The following SPAG16 variants were observed in gnomAD, a reference collection of about 807,000 sequenced individuals.
The protein encoded by SPAG16 is sperm-associated antigen 16 protein.
SPAG16 carries 86 observed loss-of-function variants against 80.4 expected under a neutral mutation model. That is an observed-to-expected ratio of 1.07 (90% confidence interval 0.90 to 1.28). The LOEUF (loss-of-function observed/expected upper bound fraction) is 1.28, where lower values mean the gene tolerates loss of function less well. Ranked by LOEUF, SPAG16 falls within the 50% of genes most tolerant of loss-of-function variation. SPAG16 has a pLI of 0.00. For missense variants in SPAG16, 870 were observed against 765.3 expected, an observed-to-expected ratio of 1.14 and a Z score of -1.61; for synonymous variants, 294 against 265.9, an observed-to-expected ratio of 1.11 and a Z score of -1.03.
chr2:214,037,143 A>G (rs1402786395), intron 13 of SPAG16, among the ~76,000 whole-genome samples: 1 of 151,816 alleles, frequency 6.6e-6, no homozygotes, highest in Non-Finnish European at 1.5e-5. Flanking sequence ...GTTTGAGGTT[A>G]TAGGGTTTCC....
At chr2:213,348,611 G>A (rs2065139868) in intron 6 of SPAG16, among the ~76,000 whole-genome samples, 1 of 152,076 alleles carries the variant, frequency 6.6e-6, no homozygotes, top group African/African-American at 2.4e-5. Flanking sequence ...TGTCTGTAAA[G>A]GATTTTATTT....
chr2:213,619,945 A>G (rs1408085668), intron 10 of SPAG16, among the ~76,000 whole-genome samples: 2 of 152,206 alleles, frequency 1.3e-5, no homozygotes, highest in Non-Finnish European at 2.9e-5. Context: ...GATAAATAAA[A>G]TGTGGTACAT....
intron 10 of SPAG16, among the ~76,000 whole-genome samples, chr2:213,701,009 A>C (rs1049175836): frequency 6.6e-6 from 1 of 152,150 alleles, no homozygotes; most frequent in Non-Finnish European, 1.5e-5. Context: ...TGGGAGGCTG[A>C]GGCAGGCGGA....
At chr2:213,714,232 G>T (rs1432135111) in intron 10 of SPAG16, among the ~76,000 whole-genome samples, 3 of 152,170 alleles carry the variant, frequency 2.0e-5, no homozygotes, top group Non-Finnish European at 4.4e-5. Flanking sequence ...TGTGTCTCAG[G>T]ATGTGCAGTG....
At position 213,690,894 on chromosome 2, in the gene SPAG16, T is replaced by C. The variant is rs552560665; in HGVS notation, c.1071-171591T>C. Among the ~76,000 whole-genome samples the C allele has an allele frequency of 1.4e-4, 22 of 152,242 alleles. 1 individual carries two copies. The South Asian group carries it at 3.7e-3, about 26-fold the overall frequency. On this transcript the variant is annotated intron_variant, in intron 10 of 15. Transcript: ENST00000331683. The stretch of plus-strand genomic sequence containing the variant: ...CTTCCCTGATATTGAGGCATTCAGA[T>C]TTAAACTGAGCTATGCTACTGGCTT...
intron 10 of SPAG16, among the ~76,000 whole-genome samples, chr2:213,841,012 T>C (rs1188032182): frequency 6.6e-6 from 1 of 152,234 alleles, no homozygotes; most frequent in Admixed American, 6.5e-5. Flanking sequence ...ATAGACTTCA[T>C]GGCTCTGGAG....
At chr2:214,057,419 T>C (rs899137357) in intron 13 of SPAG16, among the ~76,000 whole-genome samples, 1 of 151,866 alleles carries the variant, frequency 6.6e-6, no homozygotes, top group Non-Finnish European at 1.5e-5. Context: ...ATTATTAATC[T>C]TTTTTTTGGA....
intron 15 of SPAG16, among the ~76,000 whole-genome samples, chr2:214,306,148 G>T (rs566972707): frequency 2.2e-4 from 34 of 152,196 alleles, no homozygotes; most frequent in African/African-American, 7.7e-4. Flanking sequence ...ATTGTGAATG[G>T]GAGTTTGTTC....
At chr2:213,840,806 G>A (rs1209470732) in intron 10 of SPAG16, among the ~76,000 whole-genome samples, 2 of 152,156 alleles carry the variant, frequency 1.3e-5, no homozygotes, top group Non-Finnish European at 2.9e-5. Flanking sequence ...GCAGAACAAG[G>A]AAGTGGAAAA....
chr2:213,812,676 C>A (rs911723442), intron 10 of SPAG16, among the ~76,000 whole-genome samples: 2 of 151,960 alleles, frequency 1.3e-5, no homozygotes, highest in Admixed American at 6.6e-5. Flanking sequence ...ATTTGGTATC[C>A]AAATAATTTT....
intron 10 of SPAG16, among the ~76,000 whole-genome samples, chr2:213,506,614 T>C (rs1276472269): frequency 6.6e-6 from 1 of 152,202 alleles, no homozygotes; most frequent in Non-Finnish European, 1.5e-5. Flanking sequence ...TATTAAATGA[T>C]TTCCTGACGG....
chr2:213,455,442 A>G (rs561011143), intron 9 of SPAG16, among the ~76,000 whole-genome samples: 10 of 152,318 alleles, frequency 6.6e-5, no homozygotes, highest in African/African-American at 2.2e-4. Context: ...CAAGCCAGGC[A>G]TGGACACCCG....
chr2:213,612,813 A>G (rs2061479912), intron 10 of SPAG16, among the ~76,000 whole-genome samples: 1 of 152,032 alleles, frequency 6.6e-6, no homozygotes, highest in African/African-American at 2.4e-5. Context: ...CCTCCCGAGT[A>G]GCTGGGATTA....
chr2:213,576,857 G>A (rs2060145130), intron 10 of SPAG16, among the ~76,000 whole-genome samples: 2 of 152,110 alleles, frequency 1.3e-5, no homozygotes, highest in Non-Finnish European at 2.9e-5. Context: ...GAGGGTGGGA[G>A]GAAGGAGAGG....
chr2:214,305,281 C>T (rs555838171), intron 15 of SPAG16, among the ~76,000 whole-genome samples: 3 of 152,072 alleles, frequency 2.0e-5, no homozygotes, highest in Non-Finnish European at 4.4e-5. Flanking sequence ...AGACCTTTGT[C>T]AGATGCAGTT....
chr2:214,160,973 A>C (rs1202389997), intron 15 of SPAG16, among the ~76,000 whole-genome samples: 2 of 152,090 alleles, frequency 1.3e-5, no homozygotes, highest in Non-Finnish European at 2.9e-5. Context: ...TTCATCTAGA[A>C]TGTCTTTTAT....
At chr2:214,260,231 G>C (rs1185004087) in intron 15 of SPAG16, among the ~76,000 whole-genome samples, 1 of 152,038 alleles carries the variant, frequency 6.6e-6, no homozygotes, top group Admixed American at 6.5e-5. Context: ...ATACACAGGA[G>C]ATGAGTACAC....
Position 214,097,436 on chromosome 2 carries a change from G to T in SPAG16, c.1528-10760G>T, listed in dbSNP as rs2052666170. Among the ~76,000 whole-genome samples, 3 of 152,150 alleles carry T rather than the reference G, an allele frequency of 2.0e-5. No individual in the cohort carries two copies. The South Asian group carries it at 6.2e-4, about 32-fold the overall frequency. Reference sequence around the variant, plus strand: ...CACTTGAAGTGGCTAAGTACAGAAGGTTCTGTGGACAAGAACGCAACAGTG... The same window carrying T: ...CACTTGAAGTGGCTAAGTACAGAAGTTTCTGTGGACAAGAACGCAACAGTG... On this transcript the variant is annotated intron_variant, in intron 13 of 15. Transcript: ENST00000331683.
chr2:214,137,518 C>T (rs945027117), intron 14 of SPAG16, among the ~76,000 whole-genome samples: 1 of 152,028 alleles, frequency 6.6e-6, no homozygotes, highest in African/African-American at 2.4e-5. Flanking sequence ...ATCTATGTGA[C>T]AAATTTGTAT....
Sources: gnomAD v4.1 joint callset for allele counts (sites outside exome capture counted in the v4.1 genomes callset) on GRCh38, gnomAD v4.1.1 for gene constraint, MANE v1.5 for transcripts, NCBI Gene and HGNC (gene_info 2026-07-23, HGNC 2026-07-21) for gene names.